The following ADAMTS13 variants were observed in gnomAD, a reference collection of about 807,000 sequenced individuals.
ADAMTS13 encodes A disintegrin and metalloproteinase with thrombospondin motifs 13.
Under a neutral mutation model 155.1 loss-of-function variants are expected in ADAMTS13, and 110 were observed. The ratio of observed to expected loss-of-function variants is 0.71; its 90% CI spans 0.61 to 0.83. The LOEUF is 0.83. Ranked by LOEUF, ADAMTS13 falls within the 40% of genes least tolerant of loss-of-function variation. ADAMTS13 has a pLI of 0.00. For missense variants in ADAMTS13, 1,707 were observed against 1,891.7 expected (o/e 0.90, Z 1.81); for synonymous variants, 758 against 756.4 (o/e 1.00, Z -0.03).
intron 7 of ADAMTS13, 65 bp from the exon 8 acceptor site, chr9:133,429,874 C>G: frequency 2.0e-6 from 3 of 1,530,766 alleles, no homozygotes; most frequent in Non-Finnish European, 2.6e-6. Flanking sequence ...GCCCACTCCT[C>G]CGTCCCGCCT....
rs1457773157 is a variant in ADAMTS13, at chr9:133,425,414, C to T, written c.331-115C>T. 4 of 839,040 alleles carry T rather than the reference C, an allele frequency of 4.8e-6. No individual in the cohort carries two copies. The Admixed American group carries it at 8.9e-5, about 19-fold the overall frequency. The allele number at this position is 839,040 out of a possible 1,614,324, so 52.0% of individuals were successfully genotyped here. On this transcript the variant is annotated intron_variant, in intron 3 of 28. Coordinates refer to ENST00000355699, the MANE Select transcript of ADAMTS13 (RefSeq NM_139027.6). The surrounding 1 kb of genome is among the most constrained non-coding windows in gnomAD (Gnocchi z 4.6). ...CCGCCCCGCCCGGTTCCCACACATG[C>T]TGGTGGAGTAGCCTCTCCAGCTCTT...
chr9:133,446,850 T>C (rs1219675142), intron 21 of ADAMTS13, among the ~76,000 whole-genome samples: 8 of 151,988 alleles, frequency 5.3e-5, no homozygotes, highest in Admixed American at 5.2e-4. Flanking sequence ...ATTTCTATGG[T>C]TTTTTTTGTT....
At chr9:133,436,733 C>G (rs986430573) in intron 11 of ADAMTS13, 96 bp from the exon 12 acceptor site, 11 of 1,298,370 alleles carry the variant, frequency 8.5e-6, no homozygotes, top group Non-Finnish European at 1.2e-5. Context: ...ACACCCACAT[C>G]TTGATCCTGT....
intron 1 of ADAMTS13, chr9:133,414,741 C>T: frequency 6.2e-7 from 1 of 1,614,172 alleles, no homozygotes; most frequent in Non-Finnish European, 8.5e-7. Flanking sequence ...GGAACAATAT[C>T]ACCATTTGTC....
chr9:133,417,018 T>C (rs965204003), upstream of ADAMTS13, among the ~76,000 whole-genome samples: 2 of 152,128 alleles, frequency 1.3e-5, no homozygotes, highest in Non-Finnish European at 2.9e-5. Context: ...GTTCTTTCGT[T>C]GTTGTTGTTT....
chr9:133,419,398 G>A (rs1246098422), upstream of ADAMTS13, among the ~76,000 whole-genome samples: 8 of 152,202 alleles, frequency 5.3e-5, no homozygotes, highest in Non-Finnish European at 2.9e-5. Context: ...GCTTAGGGAA[G>A]GGTCAGTGCT....
chr9:133,452,940 G>A (rs1842522917), intron 23 of ADAMTS13, among the ~76,000 whole-genome samples: 1 of 152,146 alleles, frequency 6.6e-6, no homozygotes, highest in Non-Finnish European at 1.5e-5. Flanking sequence ...TCGAGGCCCT[G>A]GATATCCCTC....
At chr9:133,442,804 G>T in intron 18 of ADAMTS13, 61 bp downstream of exon 18, 2 of 1,554,760 alleles carry the variant, frequency 1.3e-6, no homozygotes, top group Non-Finnish European at 1.7e-6. Flanking sequence ...GGGGCTGCTG[G>T]GCTCTGTCCC....
At chr9:133,457,852 C>G in intron 27 of ADAMTS13, 58 bp from the exon 28 acceptor site, 1 of 1,607,874 alleles carries the variant, frequency 6.2e-7, no homozygotes, top group Non-Finnish European at 8.5e-7. Context: ...GTGAGTTGTC[C>G]TGGCCTCTGG....
At position 133,441,490 on chromosome 9, in the gene ADAMTS13, G is replaced by T. The variant is rs1370563593; in HGVS notation, c.1969-909G>T. ...CCTGAATCAGGACTTCCCTGTGTTG[G>T]GCCTGAGAAACCGCACCGTAACCAA... is the stretch of plus-strand genomic sequence containing the variant. On this transcript the variant is annotated intron_variant, in intron 16 of 28. Transcript: ENST00000355699. The surrounding 1 kb of genome is among the most constrained non-coding windows in gnomAD (Gnocchi z 5.0). Among the ~76,000 whole-genome samples, 5 of 152,166 alleles carry T rather than the reference G, an allele frequency of 3.3e-5. No individual in the cohort carries two copies. The highest frequency in any genetic ancestry group is 1.2e-4 in the African/African-American group (5 of 41,442).
intron 8 of ADAMTS13, among the ~76,000 whole-genome samples, chr9:133,430,946 C>T (rs985242325): frequency 2.6e-5 from 4 of 151,316 alleles, no homozygotes; most frequent in Non-Finnish European, 5.9e-5. Flanking sequence ...AGGCATGAGC[C>T]ACAGCGCCCC....
intron 21 of ADAMTS13, among the ~76,000 whole-genome samples, chr9:133,447,151 G>T (rs1229257208): frequency 6.6e-6 from 1 of 151,780 alleles, no homozygotes; most frequent in South Asian, 2.1e-4. Context: ...CCCCACACCT[G>T]GCCTATTTCT....
intron 1 of ADAMTS13, among the ~76,000 whole-genome samples, chr9:133,416,517 A>G (rs782319990): frequency 7.2e-5 from 11 of 152,164 alleles, no homozygotes; most frequent in South Asian, 4.1e-4. Context: ...AGGCTGAGGC[A>G]GGAGAATCAC....
chr9:133,447,116 A>G (rs1588192599), intron 21 of ADAMTS13, among the ~76,000 whole-genome samples: 1 of 151,954 alleles, frequency 6.6e-6, no homozygotes, highest in East Asian at 1.9e-4. Context: ...TGGCCTCCCA[A>G]CGTGCTGGGA....
At position 133,449,919 on chromosome 9, in the gene ADAMTS13, C is replaced by G; in HGVS notation, c.2998C>G (p.Arg1000Gly). The G allele has an allele frequency of 1.9e-6, 3 of 1,612,368 alleles. No homozygotes were observed. The highest frequency in any genetic ancestry group is 2.5e-6 in the Non-Finnish European group (3 of 1,179,680). The change falls in exon 23 of 29, where the codon CGC becomes GGC. Residue 1000 changes from arginine to glycine, a missense_variant. Physicochemically the swap from Arg to Gly is moderately radical, Grantham distance 125. Around this residue, in one of 3 missense-constraint regions of ADAMTS13, gnomAD observed 961 missense variants for 1,107.9 expected, o/e 0.87. Coordinates refer to ENST00000355699, the MANE Select transcript of ADAMTS13 (RefSeq NM_139027.6). ...GGACACCCAGTGCCAGGGGCTGCCT[C>G]GCCCGGAACCCCAGGAGGCCTGCAG... ...LLDTQCQGLP[R>G]PEPQEACSLE...
Position 133,426,349 on chromosome 9 carries a change from T to C in ADAMTS13, c.686+4T>C. 3.8e-6 allele frequency: 6 copies of C among 1,599,924 alleles called. No homozygotes were observed. Among genetic ancestry groups the C allele is most frequent in the Non-Finnish European group, 5.1e-6 (6 of 1,179,910 alleles). On this transcript the variant is annotated splice_donor_region_variant and intron_variant, in intron 6 of 28. Coordinates refer to ENST00000355699, the MANE Select transcript of ADAMTS13 (RefSeq NM_139027.6). ...TTGCCCATGAGATTGGGCACAGGTATGTAGCCCCACCAGCTGTCCCCAGGA... is the reference window on the plus strand; with the variant it reads ...TTGCCCATGAGATTGGGCACAGGTACGTAGCCCCACCAGCTGTCCCCAGGA...
At chr9:133,421,339 C>T (rs1323112819), upstream of ADAMTS13, among the ~76,000 whole-genome samples, 1 of 152,194 alleles carries the variant, frequency 6.6e-6, no homozygotes, top group Admixed American at 6.5e-5. Context: ...ACCAGGATCT[C>T]GATATCTAAG....
At chr9:133,430,486 G>C (rs1015186331) in intron 8 of ADAMTS13, among the ~76,000 whole-genome samples, 2 of 152,074 alleles carry the variant, frequency 1.3e-5, no homozygotes, top group African/African-American at 4.8e-5. Flanking sequence ...AGCAGAAGTG[G>C]GGCTGGTAGG....
chr9:133,434,987 A>G (rs1841067806), intron 11 of ADAMTS13, among the ~76,000 whole-genome samples: 1 of 152,092 alleles, frequency 6.6e-6, no homozygotes, highest in Non-Finnish European at 1.5e-5. Context: ...GCTGAATCAT[A>G]TTCCACTGCA....
Sources: gnomAD v4.1 joint callset for allele counts (sites outside exome capture counted in the v4.1 genomes callset) on GRCh38, gnomAD v4.1.1 for gene constraint, gnomAD v4.1.1 regional missense constraint, Gnocchi (gnomAD v3.1) non-coding constraint, MANE v1.5 for transcripts, NCBI Gene and HGNC (gene_info 2026-07-23, HGNC 2026-07-21) for gene names.